Variants in SMARCAD1 observed in about 807,000 individuals in gnomAD.
SMARCAD1 encodes SNF2 related chromatin remodeling ATPase with DExD box 1, also known as SWI/SNF-related matrix-associated actin-dependent regulator of chromatin subfamily A containing DEAD/H box 1.
In SMARCAD1, 25 loss-of-function variants were observed where a neutral mutation model predicts 127.1. The observed-to-expected ratio is 0.20, with a 90% CI of 0.14 to 0.27. SMARCAD1 has a LOEUF of 0.27. Among genes scored for constraint, SMARCAD1 ranks in the 10% least tolerant of loss-of-function variants. The pLI is 1.00. For synonymous variants in SMARCAD1, 400 were observed against 396.9 expected (o/e 1.01, Z -0.09); for missense variants, 807 against 1,206.0 (o/e 0.67, Z 4.90).
intron 2 of SMARCAD1, among the ~76,000 whole-genome samples, chr4:94,221,110 G>A (rs1049673854): frequency 2.0e-5 from 3 of 152,196 alleles, no homozygotes; most frequent in African/African-American, 7.2e-5. Flanking sequence ...TAAAACCCCA[G>A]TTTTCAAAGG....
At chr4:94,288,688 A>G (rs1198115610) in intron 23 of SMARCAD1, among the ~76,000 whole-genome samples, 3 of 152,182 alleles carry the variant, frequency 2.0e-5, no homozygotes, top group Admixed American at 6.5e-5. Context: ...TAGTTTTGCT[A>G]CATTTCAGCC....
At position 94,290,958 on chromosome 4, in the gene SMARCAD1, C is replaced by T. The variant is rs780967791; in HGVS notation, c.*1424C>T. 42 of 450,874 alleles carry T rather than the reference C, an allele frequency of 9.3e-5. No individual in the cohort carries two copies. The highest frequency in any genetic ancestry group is 2.1e-4 in the Admixed American group (9 of 41,894). 27.9% of individuals were successfully genotyped at this position (450,874 alleles called of 1,614,324 possible). On this transcript the variant is annotated 3_prime_UTR_variant, in exon 24 of 24. Transcript: ENST00000354268. ...TTAGATATTAAAGACTGAGAACTCA[C>T]GGCTTAACCCCAGTCTTGATGGTAT...
At chr4:94,269,692 A>G (rs1263532236) in intron 10 of SMARCAD1, among the ~76,000 whole-genome samples, 5 of 152,116 alleles carry the variant, frequency 3.3e-5, no homozygotes, top group Middle Eastern at 3.4e-3. Flanking sequence ...TAATTGAGAC[A>G]GGGTCTGGCT....
chr4:94,262,065 C>T (rs12646184), intron 9 of SMARCAD1, among the ~76,000 whole-genome samples: 57,598 of 152,054 alleles, frequency 0.38, 11,903 homozygotes, highest in East Asian at 0.71. Flanking sequence ...TCTCAGTCTT[C>T]TAATCTCCAA....
intron 6 of SMARCAD1, among the ~76,000 whole-genome samples, chr4:94,247,839 T>G (rs1748684269): frequency 6.6e-6 from 1 of 152,186 alleles, no homozygotes; most frequent in Non-Finnish European, 1.5e-5. Flanking sequence ...TTTTATTTGT[T>G]TTTTCTTTTT....
intron 9 of SMARCAD1, chr4:94,253,695 T>C (rs1749637256): frequency 2.0e-6 from 2 of 995,640 alleles, no homozygotes; most frequent in Non-Finnish European, 2.4e-6. Flanking sequence ...GCATGATCAT[T>C]TTCTGGAATT....
intron 8 of SMARCAD1, 45 bp downstream of exon 8, chr4:94,250,878 C>A: frequency 7.0e-7 from 1 of 1,432,768 alleles, no homozygotes; most frequent in South Asian, 1.2e-5. Context: ...TCATTATAGT[C>A]TGTATTTTAG....
intron 3 of SMARCAD1, 98 bp from the exon 4 acceptor site, chr4:94,233,856 T>A: frequency 2.4e-6 from 3 of 1,239,484 alleles, no homozygotes; most frequent in Admixed American, 2.0e-5. Context: ...TGAAAAGAAC[T>A]GCAGATGTGT....
At chr4:94,287,726 T>C (rs1560574116) in intron 23 of SMARCAD1, among the ~76,000 whole-genome samples, 2 of 152,176 alleles carry the variant, frequency 1.3e-5, no homozygotes, top group Admixed American at 6.5e-5. Context: ...GGGTTTTTTT[T>C]CATTAACTTC....
chr4:94,262,067 A>G (rs1751074093), intron 9 of SMARCAD1, among the ~76,000 whole-genome samples: 1 of 152,090 alleles, frequency 6.6e-6, no homozygotes. Flanking sequence ...TCAGTCTTCT[A>G]ATCTCCAATT....
In SMARCAD1 at chr4:94,270,599, T is replaced by C. The variant is rs1235476221; in HGVS notation, c.1482-129T>C. ...TGGGTTCATTTTTTTTAAGTAGGTG[T>C]ACATAGCATCTAACAGTTAAAAGGT... is the stretch of plus-strand genomic sequence containing the variant. On this transcript the variant is annotated intron_variant, in intron 10 of 23. Coordinates refer to ENST00000354268, the MANE Select transcript of SMARCAD1 (RefSeq NM_020159.5). 1.5e-5 allele frequency: 11 copies of C among 727,232 alleles called. No individual in the cohort carries two copies. The East Asian group carries it at 2.8e-4, about 18-fold the overall frequency. The allele number at this position is 727,232 out of a possible 1,614,324, so 45.0% of individuals were successfully genotyped here.
chr4:94,211,931 A>C (rs1226560690), intron 2 of SMARCAD1, among the ~76,000 whole-genome samples: 2 of 109,098 alleles, frequency 1.8e-5, no homozygotes, highest in African/African-American at 7.1e-5. Context: ...CATAGTATTT[A>C]TCACTAGCTA....
intron 6 of SMARCAD1, among the ~76,000 whole-genome samples, chr4:94,243,905 A>G (rs1185397206): frequency 1.3e-5 from 2 of 152,228 alleles, no homozygotes; most frequent in East Asian, 1.9e-4. Flanking sequence ...GTACATGCAG[A>G]GGGAATGTTT....
chr4:94,275,561 A>G (rs931206454), intron 14 of SMARCAD1, among the ~76,000 whole-genome samples: 1 of 152,056 alleles, frequency 6.6e-6, no homozygotes, highest in Non-Finnish European at 1.5e-5. Flanking sequence ...TTTTTTCTTA[A>G]TAAAACAGGC....
intron 10 of SMARCAD1, among the ~76,000 whole-genome samples, chr4:94,268,723 G>T (rs1194090463): frequency 6.6e-6 from 1 of 152,120 alleles, no homozygotes; most frequent in Non-Finnish European, 1.5e-5. Flanking sequence ...CTTAACTTCT[G>T]TGAGCCGCAG....
chr4:94,247,643 C>T (rs1458952756), intron 6 of SMARCAD1, among the ~76,000 whole-genome samples: 36 of 152,094 alleles, frequency 2.4e-4, no homozygotes, highest in Admixed American at 2.4e-3. Context: ...CTGTCATCAC[C>T]TCGTAATAGC....
At position 94,250,794 on chromosome 4, in the gene SMARCAD1, G is replaced by C. The variant is rs1315239841; in HGVS notation, c.850G>C (p.Glu284Gln). The C allele has an allele frequency of 6.2e-7, 1 of 1,612,526 alleles. No individual in the cohort carries two copies. The highest frequency in any genetic ancestry group is 1.7e-5 in the Admixed American group (1 of 59,986). Residue 284 changes from glutamate to glutamine, a missense_variant, in exon 8 of 24, where the codon GAA becomes CAA. Transcript: ENST00000354268. Reference protein sequence around the residue: ...VLKEHEWMYTEALESLKVFAE... With the variant: ...VLKEHEWMYTQALESLKVFAE... ...CAAGGAACATGAATGGATGTACACA[G>C]AAGCTTTAGAATCTCTAAAAGTGTT...
chr4:94,217,487 C>G (rs1392803936), intron 2 of SMARCAD1, among the ~76,000 whole-genome samples: 1 of 152,038 alleles, frequency 6.6e-6, no homozygotes, highest in Non-Finnish European at 1.5e-5. Context: ...TGTTTAGAAG[C>G]CATTTTTATG....
intron 2 of SMARCAD1, among the ~76,000 whole-genome samples, chr4:94,220,794 A>C (rs575128481): frequency 6.6e-6 from 1 of 152,232 alleles, no homozygotes; most frequent in Non-Finnish European, 1.5e-5. Context: ...AAATTGTGTA[A>C]ATGCCAGTAT....
Sources: gnomAD v4.1 joint callset for allele counts (sites outside exome capture counted in the v4.1 genomes callset) on GRCh38, gnomAD v4.1.1 for gene constraint, MANE v1.5 for transcripts, NCBI Gene and HGNC (gene_info 2026-07-23, HGNC 2026-07-21) for gene names.